The following HMCN2 variants were observed in gnomAD, a reference collection of about 807,000 sequenced individuals.
HMCN2 encodes the protein hemicentin 2.
HMCN2 carries 325 observed loss-of-function variants against 377.5 expected under a neutral mutation model. The observed-to-expected ratio is 0.86, with a 90% CI of 0.79 to 0.94. The LOEUF is 0.94. HMCN2 is among the 40% of genes least tolerant of loss of function. The pLI is 0.00. For missense variants in HMCN2, 4,543 were observed against 4,725.3 expected, an observed-to-expected ratio of 0.96 and a Z score of 1.13; for synonymous variants, 2,007 against 2,046.8, an observed-to-expected ratio of 0.98 and a Z score of 0.53.
Position 130,388,460 on chromosome 9 carries a change from G to T in HMCN2, c.9443G>T (p.Gly3148Val). The T allele has an allele frequency of 2.0e-6, 2 of 987,916 alleles. No homozygotes were observed. The highest frequency in any genetic ancestry group is 2.4e-6 in the Non-Finnish European group (2 of 830,084). The allele number at this position is 987,916 out of a possible 1,614,324, so 61.2% of individuals were successfully genotyped here. ...ACAGAGACAGTGAGCCAGGTGGCTG[G>T]GAGCCCCCTGGTCCTGACCTGTGAT... ...PKTETVSQVA[G>V]SPLVLTCDVS... The change falls in exon 62 of 98, where the codon GGG (glycine) becomes GTG (valine). Residue 3148 changes from glycine (G) to valine (V), a missense_variant. Gly to Val is a moderately radical substitution (Grantham distance 109). This residue lies in a region of HMCN2 where 736 missense variants were observed against 773.2 expected (regional missense o/e 0.95). Coordinates refer to ENST00000683500, the MANE Select transcript of HMCN2 (RefSeq NM_001291815.2).
chr9:130,422,682 T>TCAGCAGCATCCA lies in HMCN2; in HGVS notation c.13349_13360dup (p.His4450_Ile4453dup). 3.8e-6 allele frequency: 5 copies of TCAGCAGCATCCA among 1,300,084 alleles called. No homozygotes were observed. The highest frequency in any genetic ancestry group is 4.9e-6 in the Non-Finnish European group (5 of 1,015,970). 80.5% of individuals were successfully genotyped at this position (1,300,084 alleles called of 1,614,324 possible). A position where few individuals can be genotyped will look rare whatever the true frequency, so the allele number is the denominator to read the frequency against. ...GTGATGCAGGAGGCACACTCCGGGG[T>TCAGCAGCATCCA]CAGCAGCATCCACAGCAGCATCCGC... On this transcript the variant is annotated inframe_insertion, in exon 87 of 98. Coordinates refer to ENST00000683500, the MANE Select transcript of HMCN2 (RefSeq NM_001291815.2). This position sits in a 1 kb window ranked among gnomAD's most constrained non-coding sequence, Gnocchi z 4.2.
Position 130,394,928 on chromosome 9 carries a change from A to T in HMCN2, c.10693-99A>T, listed in dbSNP as rs1275616932. The T allele has an allele frequency of 1.8e-5, 13 of 741,994 alleles. No individual in the cohort carries two copies. The East Asian group carries it at 8.6e-4, about 49-fold the overall frequency. 46.0% of individuals were successfully genotyped at this position (741,994 alleles called of 1,614,324 possible). A position where few individuals can be genotyped will look rare whatever the true frequency, so the allele number is the denominator to read the frequency against. Reference sequence around the variant, plus strand: ...GTGGATGGCAGACCTCGCAGGGCTGAGTTTGAATCCTGGGTCCCTCGATGC... The same window carrying T: ...GTGGATGGCAGACCTCGCAGGGCTGTGTTTGAATCCTGGGTCCCTCGATGC... On this transcript the variant is annotated intron_variant, in intron 69 of 97. Coordinates refer to ENST00000683500, the MANE Select transcript of HMCN2 (RefSeq NM_001291815.2). The surrounding 1 kb of genome is among the most constrained non-coding windows in gnomAD (Gnocchi z 5.1).
intron 93 of HMCN2, chr9:130,429,086 G>A (rs1844571327): frequency 5.3e-6 from 1 of 187,576 alleles, no homozygotes; most frequent in Non-Finnish European, 1.1e-5. Context: ...GTGGCCCCCA[G>A]GGCCCTTGGA....
chr9:130,302,110 T>C (rs1245477857), intron 8 of HMCN2, among the ~76,000 whole-genome samples: 2 of 151,274 alleles, frequency 1.3e-5, no homozygotes, highest in Non-Finnish European at 2.9e-5. Flanking sequence ...GGTGTGATCT[T>C]GGCTCACTGC....
At chr9:130,349,257 A>G (rs1382841175) in intron 28 of HMCN2, 126 bp downstream of exon 28, 2 of 981,166 alleles carry the variant, frequency 2.0e-6, no homozygotes, top group East Asian at 1.2e-4. Flanking sequence ...GGGACCCATG[A>G]CAGACCCAAC....
chr9:130,391,906 C>G (rs763450137), intron 65 of HMCN2, 29 bp from the exon 66 acceptor site: 193 of 983,898 alleles, frequency 2.0e-4, no homozygotes, highest in Non-Finnish European at 2.3e-4. Context: ...GACCTCCGCA[C>G]TACCCCTCTT....
chr9:130,354,930 G>A lies in HMCN2; in HGVS notation c.5032G>A (p.Asp1678Asn). ...AESNESRLET[D>N]GSVLRLESPG... ...GAGCAACGAGTCGCGGCTGGAGACA[G>A]ACGGGAGTGTGCTGAGGCTGGAGAG... Residue 1678 changes from aspartate (D) to asparagine (N), a missense_variant, in exon 32 of 98, where the codon GAC becomes AAC. Physicochemically the swap from Asp to Asn is conservative, Grantham distance 23. Transcript: ENST00000683500. 2.3e-6 allele frequency: 3 copies of A among 1,303,848 alleles called. No individual in the cohort carries two copies. The highest frequency in any genetic ancestry group is 3.0e-6 in the Non-Finnish European group (3 of 988,932). 80.8% of individuals were successfully genotyped at this position (1,303,848 alleles called of 1,614,324 possible).
At chr9:130,430,979 C>T (rs1844708531) in intron 95 of HMCN2, 1 of 297,258 alleles carries the variant, frequency 3.4e-6, no homozygotes, top group Admixed American at 5.9e-5. Flanking sequence ...TCCAGGTAGA[C>T]ATGAGAATGT....
rs1842346286 is a variant in HMCN2, at chr9:130,392,050, G to A, written c.10068G>A (p.Trp3356Ter). 2.0e-6 allele frequency: 2 copies of A among 988,394 alleles called. No homozygotes were observed. Among genetic ancestry groups the A allele is most frequent in the Non-Finnish European group, 2.4e-6 (2 of 830,526 alleles). 61.2% of individuals were successfully genotyped at this position (988,394 alleles called of 1,614,324 possible). ...GCTCCCCGCCCATCCACGTGAGCTG[G>A]CTCAAGGACGGCCTGCCCCTCCCGC... The part of the protein sequence containing the change: ...VRGSPPIHVS[W>*]LKDGLPLPLS... Residue 3356 changes from tryptophan (W) to a stop codon, truncating the protein, a stop_gained, in exon 66 of 98, where the codon TGG becomes TGA. Coordinates refer to ENST00000683500, the MANE Select transcript of HMCN2 (RefSeq NM_001291815.2). LOFTEE classifies it high-confidence loss of function.
Position 130,320,885 on chromosome 9 carries a change from G to A in HMCN2, c.2757G>A (p.Trp919Ter), listed in dbSNP as rs1034952627. 1 of 152,300 alleles carries A rather than the reference G, an allele frequency of 6.6e-6. No homozygotes were observed. Among genetic ancestry groups the A allele is most frequent in the Non-Finnish European group, 1.5e-5 (1 of 68,142 alleles). The allele number at this position is 152,300 out of a possible 1,614,324, so 9.4% of individuals were successfully genotyped here. A position where few individuals can be genotyped will look rare whatever the true frequency, so the allele number is the denominator to read the frequency against. The change falls in exon 18 of 98, where the codon TGG becomes TGA. Residue 919 changes from tryptophan (W) to a stop codon, truncating the protein, a stop_gained. Coordinates refer to ENST00000683500, the MANE Select transcript of HMCN2 (RefSeq NM_001291815.2). LOFTEE classifies it high-confidence loss of function. ...LAGRPLPERH[W>*]LKDGRPLPPG... is the part of the protein sequence containing the mutation. ...GGCGGCCCCTCCCGGAAAGGCACTG[G>A]CTCAAGGACGGCCGGCCCGTGAGTG... is the stretch of plus-strand genomic sequence containing the variant.
intron 1 of HMCN2, among the ~76,000 whole-genome samples, chr9:130,278,236 T>C (rs1834904598): frequency 6.6e-6 from 1 of 152,152 alleles, no homozygotes; most frequent in Admixed American, 6.5e-5. Context: ...GCCATTCTCC[T>C]GCCTCAGCCT....
intron 74 of HMCN2, 114 bp downstream of exon 74, chr9:130,397,769 T>C (rs1352009384): frequency 3.0e-6 from 3 of 1,014,032 alleles, no homozygotes; most frequent in African/African-American, 1.7e-5. Context: ...TCAAATGTTT[T>C]TGACCATGAA....
intron 87 of HMCN2, among the ~76,000 whole-genome samples, chr9:130,424,169 A>AT (rs57296543): frequency 0.03 from 2,024 of 68,480 alleles, 44 homozygotes; most frequent in African/African-American, 0.091. Flanking sequence ...ATATATATAT[A>AT]TTTTTTTTTT....
At position 130,403,701 on chromosome 9, in the gene HMCN2, C is replaced by A. The variant is rs1226791147; in HGVS notation, c.12014-40C>A. ...TCTGCCCACCTCGGGGGTCCCCAGT[C>A]CCAGTTCCCAGGCCCCCGATTTTCT... On this transcript the variant is annotated intron_variant, in intron 79 of 97. Transcript: ENST00000683500. The A allele has an allele frequency of 2.3e-6, 3 of 1,284,442 alleles. No individual in the cohort carries two copies. In the African/African-American group the frequency reaches 4.6e-5, roughly 20 times the overall value. 79.6% of individuals were successfully genotyped at this position (1,284,442 alleles called of 1,614,324 possible). A position where few individuals can be genotyped will look rare whatever the true frequency, so the allele number is the denominator to read the frequency against.
intron 4 of HMCN2, among the ~76,000 whole-genome samples, chr9:130,293,324 GAGAAAGGATAGTTGA>G (rs1564754382): frequency 1.4e-5 from 1 of 69,606 alleles, no homozygotes; most frequent in Non-Finnish European, 2.3e-5. Flanking sequence ...TCCTCCTACT[GAGAAAGGATAGTTGA>G]ACCGCCGGGT....
rs1189447655 is a variant in HMCN2, at chr9:130,325,815, C to T, written c.3038C>T (p.Thr1013Ile). 6.6e-6 allele frequency: 1 copy of T among 152,288 alleles called. No individual in the cohort carries two copies. The highest frequency in any genetic ancestry group is 1.5e-5 in the Non-Finnish European group (1 of 68,102). 9.4% of individuals were successfully genotyped at this position (152,288 alleles called of 1,614,324 possible). The stretch of plus-strand genomic sequence containing the variant: ...TCACCTGTGCCTCTGCCCTAGGAAA[C>T]CAATGCCCTGACCTCCAGAGGTCCC... ...PAPTITWTKE[T>I]NALTSRGPHY... The change falls in exon 21 of 98, where the codon ACC becomes ATC. Residue 1013 changes from threonine (T) to isoleucine (I), a missense_variant. By Grantham distance (89) the Thr-to-Ile change is moderately conservative (BLOSUM62 -1). Transcript: ENST00000683500.
intron 29 of HMCN2, among the ~76,000 whole-genome samples, chr9:130,350,915 A>T (rs991910786): frequency 1.3e-5 from 2 of 152,110 alleles, no homozygotes; most frequent in African/African-American, 4.8e-5. Context: ...GGAAAAAAAA[A>T]GGTGTGCAGT....
intron 1 of HMCN2, among the ~76,000 whole-genome samples, chr9:130,276,696 G>T (rs1232425470): frequency 1.3e-5 from 2 of 152,216 alleles, no homozygotes; most frequent in Admixed American, 1.3e-4. Flanking sequence ...GTGCCATTGT[G>T]TCTGTCCCTT....
chr9:130,323,170 A>AG (rs1244785500), intron 19 of HMCN2, among the ~76,000 whole-genome samples: 1 of 152,196 alleles, frequency 6.6e-6, no homozygotes, highest in Non-Finnish European at 1.5e-5. Flanking sequence ...TAACATGAAC[A>AG]GGCTCAGTCT....
Sources: gnomAD v4.1 joint callset for allele counts (sites outside exome capture counted in the v4.1 genomes callset) on GRCh38, gnomAD v4.1.1 for gene constraint, gnomAD v4.1.1 regional missense constraint, Gnocchi (gnomAD v3.1) non-coding constraint, MANE v1.5 for transcripts, NCBI Gene and HGNC (gene_info 2026-07-23, HGNC 2026-07-21) for gene names.